FKBP2: variants seen among roughly 807,000 people sequenced by gnomAD.
FKBP2 encodes the protein FKBP prolyl isomerase 2.
In FKBP2, 15 loss-of-function variants were observed where a neutral mutation model predicts 19.4. The ratio of observed to expected loss-of-function variants is 0.77; its 90% CI spans 0.52 to 1.19. The LOEUF is 1.19. Among genes scored for constraint, FKBP2 ranks in the 50% most tolerant of loss-of-function variants. The probability of loss-of-function intolerance (pLI) is 0.00; values close to 1 mark genes in which losing one functional copy is unlikely to be tolerated. For synonymous variants in FKBP2, 76 were observed against 74.8 expected (o/e 1.02, Z -0.08); for missense variants, 170 against 179.0 (o/e 0.95, Z 0.29).
In FKBP2 at chr11:64,244,129, C is replaced by T. The variant is rs983436103; in HGVS notation, c.*100C>T. The stretch of plus-strand genomic sequence containing the variant: ...AACAAACAAAAAAACACTTAAAAGC[C>T]CAAGGAGTAAGCCTGTGTGTGTTTG... On this transcript the variant is annotated 3_prime_UTR_variant, in exon 6 of 6. Coordinates refer to ENST00000309366, the MANE Select transcript of FKBP2 (RefSeq NM_004470.4). 3 of 1,337,212 alleles carry T rather than the reference C, an allele frequency of 2.2e-6. No individual in the cohort carries two copies. Among genetic ancestry groups the T allele is most frequent in the Non-Finnish European group, 2.1e-6 (2 of 965,360 alleles). The allele number at this position is 1,337,212 out of a possible 1,614,324, so 82.8% of individuals were successfully genotyped here. A position where few individuals can be genotyped will look rare whatever the true frequency, so the allele number is the denominator to read the frequency against.
chr11:64,243,508 C>T lies in FKBP2; in HGVS notation c.331+11C>T. The T allele has an allele frequency of 1.2e-6, 2 of 1,613,400 alleles. No individual in the cohort carries two copies. The highest frequency in any genetic ancestry group is 3.3e-5 in the Admixed American group (2 of 60,022). On this transcript the variant is annotated intron_variant, in intron 4 of 5. Coordinates refer to ENST00000309366, the MANE Select transcript of FKBP2 (RefSeq NM_004470.4). The stretch of plus-strand genomic sequence containing the variant: ...TCCCATCCGAGCTAGGTAAGAGGCC[C>T]CTCCTGAGGGTGCAGAGCGAGTTTG...
chr11:64,243,334 T>C, intron 3 of FKBP2, 23 bp downstream of exon 3: 1 of 1,599,222 alleles, frequency 6.3e-7, no homozygotes, highest in Non-Finnish European at 8.5e-7. Context: ...GGAATGGGCT[T>C]GGGAGTGGGG....
At chr11:64,241,477 C>T (rs2030484238) in intron 1 of FKBP2, among the ~76,000 whole-genome samples, 8 of 149,942 alleles carry the variant, frequency 5.3e-5, no homozygotes, top group Admixed American at 5.3e-4. Flanking sequence ...AAGGCGGAGC[C>T]TCGGGGTCGG....
chr11:64,243,666 A>T, intron 4 of FKBP2, 169 bp downstream of exon 4: 1 of 1,149,530 alleles, frequency 8.7e-7, no homozygotes, highest in Non-Finnish European at 1.3e-6. Context: ...TCATTGAAGC[A>T]CTCAGCTGTA....
Position 64,242,437 on chromosome 11 carries a change from G to C in FKBP2, c.50G>C (p.Ser17Thr). The C allele has an allele frequency of 6.4e-7, 1 of 1,552,856 alleles. No homozygotes were observed. Among genetic ancestry groups the C allele is most frequent in the African/African-American group, 1.4e-5 (1 of 70,422 alleles). Reference sequence around the variant, plus strand: ...CTGACAGTACTGTCCATCTGCCTGAGCGCCGTGGCCACGGCCACGGGGGCC... The same window carrying C: ...CTGACAGTACTGTCCATCTGCCTGACCGCCGTGGCCACGGCCACGGGGGCC... ...RVLTVLSICL[S>T]AVATATGAEG... Residue 17 changes from serine to threonine, a missense_variant, in exon 2 of 6, where the codon AGC (serine) becomes ACC (threonine). Coordinates refer to ENST00000309366, the MANE Select transcript of FKBP2 (RefSeq NM_004470.4).
chr11:64,243,847 G>C lies in FKBP2; in HGVS notation c.338G>C (p.Gly113Ala), dbSNP rs781271681. The C allele has an allele frequency of 1.9e-6, 3 of 1,614,172 alleles. No homozygotes were observed. Among genetic ancestry groups the C allele is most frequent in the Admixed American group, 3.3e-5 (2 of 60,024 alleles). Residue 113 changes from glycine to alanine, a missense_variant, in exon 5 of 6, where the codon GGA becomes GCA. By Grantham distance (60) the Gly-to-Ala change is moderately conservative (BLOSUM62 0). Coordinates refer to ENST00000309366, the MANE Select transcript of FKBP2 (RefSeq NM_004470.4). ...KLVIPSELGY[G>A]ERGAPPKIPG... ...CTTTGTGCATCTTCAACAGGGTATG[G>C]AGAGCGGGGAGCTCCCCCAAAGATT...
chr11:64,243,952 C>T lies in FKBP2; in HGVS notation c.368-16C>T. The T allele has an allele frequency of 1.2e-6, 2 of 1,614,108 alleles. No homozygotes were observed. Among genetic ancestry groups the T allele is most frequent in the Non-Finnish European group, 1.7e-6 (2 of 1,180,014 alleles). ...GTGGCCCTGGTTGGCATTTTGACTC[C>T]CCTTCTCCCCTACAGGTGGTGCAAC... On this transcript the variant is annotated splice_polypyrimidine_tract_variant and intron_variant, in intron 5 of 5. Transcript: ENST00000309366.
rs1429985405 is a variant in FKBP2, at chr11:64,243,327, A to G, written c.284+16A>G. 3 of 1,599,458 alleles carry G rather than the reference A, an allele frequency of 1.9e-6. No individual in the cohort carries two copies. The highest frequency in any genetic ancestry group is 2.6e-6 in the Non-Finnish European group (3 of 1,171,310). On this transcript the variant is annotated intron_variant, in intron 3 of 5. Coordinates refer to ENST00000309366, the MANE Select transcript of FKBP2 (RefSeq NM_004470.4). Reference sequence around the variant, plus strand: ...GGCTGCTGGGGTGAGTCATGGGGGAATGGGCTTGGGAGTGGGGGCGTGCAT... The same window carrying G: ...GGCTGCTGGGGTGAGTCATGGGGGAGTGGGCTTGGGAGTGGGGGCGTGCAT...
chr11:64,242,701 C>A, intron 2 of FKBP2, 143 bp downstream of exon 2: 2 of 904,868 alleles, frequency 2.2e-6, no homozygotes, highest in Non-Finnish European at 3.2e-6. Flanking sequence ...ATGGTTCTGC[C>A]TTGCCCTTGC....
chr11:64,243,108 G>A (rs529769586), intron 2 of FKBP2, 91 bp from the exon 3 acceptor site: 67 of 1,159,752 alleles, frequency 5.8e-5, no homozygotes, highest in Non-Finnish European at 8.2e-5. Flanking sequence ...GTGGGTGGGC[G>A]TGGGGGGGCA....
Position 64,242,535 on chromosome 11 carries a change from G to A in FKBP2, c.148G>A (p.Asp50Asn), listed in dbSNP as rs1215996171. The change falls in exon 2 of 6, where the codon GAT becomes AAT. Residue 50 changes from aspartate to asparagine, a missense_variant. Physicochemically the swap from Asp to Asn is conservative, Grantham distance 23. Transcript: ENST00000309366. Reference protein sequence around the residue: ...DHCPIKSRKGDVLHMHYTGKL... With the variant: ...DHCPIKSRKGNVLHMHYTGKL... ...CTGTCCCATCAAATCGCGCAAAGGG[G>A]ATGTCCTGCACATGCACTACACGGT... 1 of 1,553,214 alleles carries A rather than the reference G, an allele frequency of 6.4e-7. No homozygotes were observed.
chr11:64,243,527 G>A (rs367667238), intron 4 of FKBP2, 30 bp downstream of exon 4: 65 of 1,612,254 alleles, frequency 4.0e-5, no homozygotes, highest in Non-Finnish European at 5.1e-5. Flanking sequence ...GGTGCAGAGC[G>A]AGTTTGGGGT....
intron 1 of FKBP2, 81 bp from the exon 2 acceptor site, chr11:64,242,303 C>G (rs1276191160): frequency 1.5e-6 from 2 of 1,325,784 alleles, no homozygotes; most frequent in Non-Finnish European, 2.0e-6. Flanking sequence ...GGCGGTGGAA[C>G]CCTCCTGTTA....
chr11:64,244,084 A>G lies in FKBP2; in HGVS notation c.*55A>G, dbSNP rs2298631. ...CCCCATCAGGGACCAGACTGTTCCAAAAAAAAAACAAAAAACAAAAACAAA... is the reference window on the plus strand; with the variant it reads ...CCCCATCAGGGACCAGACTGTTCCAGAAAAAAAACAAAAAACAAAAACAAA... On this transcript the variant is annotated 3_prime_UTR_variant, in exon 6 of 6. Transcript: ENST00000309366. 0.017 allele frequency: 26,252 copies of G among 1,563,564 alleles called. 2,236 individuals carry two copies. In the East Asian group the frequency reaches 0.26, roughly 15 times the overall value.
chr11:64,243,251 C>T lies in FKBP2; in HGVS notation c.224C>T (p.Pro75Leu), dbSNP rs1339959793. The T allele has an allele frequency of 6.2e-7, 1 of 1,613,114 alleles. No homozygotes were observed. The highest frequency in any genetic ancestry group is 1.3e-5 in the African/African-American group (1 of 74,912). ...EFDSSLPQNQPFVFSLGTGQV... is the reference protein window; with the variant it reads ...EFDSSLPQNQLFVFSLGTGQV... ...GACAGCAGCCTGCCCCAGAACCAGCCCTTTGTCTTCTCCCTTGGCACAGGC... is the reference window on the plus strand; with the variant it reads ...GACAGCAGCCTGCCCCAGAACCAGCTCTTTGTCTTCTCCCTTGGCACAGGC... The change falls in exon 3 of 6, where the codon CCC becomes CTC. Residue 75 changes from proline (P) to leucine (L), a missense_variant. Coordinates refer to ENST00000309366, the MANE Select transcript of FKBP2 (RefSeq NM_004470.4).
At chr11:64,243,772 A>G in intron 4 of FKBP2, 69 bp from the exon 5 acceptor site, 1 of 1,590,366 alleles carries the variant, frequency 6.3e-7, no homozygotes, top group Non-Finnish European at 8.6e-7. Flanking sequence ...GGGGCGGAAC[A>G]CTCTCCCTTT....
chr11:64,242,486 C>A lies in FKBP2; in HGVS notation c.99C>A (p.Ile33=). 2.6e-6 allele frequency: 4 copies of A among 1,552,736 alleles called. No homozygotes were observed. The highest frequency in any genetic ancestry group is 3.5e-6 in the Non-Finnish European group (4 of 1,156,110). The change falls in exon 2 of 6, where the codon ATC becomes ATA. Residue 33 remains isoleucine (I), a synonymous_variant. Transcript: ENST00000309366. The stretch of plus-strand genomic sequence containing the variant: ...CCGAGGGCAAAAGGAAGCTGCAGAT[C>A]GGGGTCAAGAAGCGGGTGGACCACT... The part of the protein sequence containing the change: ...TGAEGKRKLQ[I]GVKKRVDHCP...
intron 2 of FKBP2, 140 bp from the exon 3 acceptor site, chr11:64,243,059 C>G (rs2030638939): frequency 2.8e-6 from 2 of 707,526 alleles, no homozygotes; most frequent in Admixed American, 4.6e-5. Context: ...GCAACAGAGA[C>G]TCCATCTCAA....
At position 64,241,552 on chromosome 11, in the gene FKBP2, G is replaced by A. The variant is rs866712499; in HGVS notation, c.-5+420G>A. 4.6e-4 allele frequency: 70 copies of A among 152,940 alleles called. No homozygotes were observed. In the Middle Eastern group the frequency reaches 0.01, roughly 22 times the overall value. 9.5% of individuals were successfully genotyped at this position (152,940 alleles called of 1,614,324 possible). A position where few individuals can be genotyped will look rare whatever the true frequency, so the allele number is the denominator to read the frequency against. ...TTCAGCCGGTGAGTGGCGTGGCTAC[G>A]GCTCCGGAAAAGGGGTCTAGTTCTG... On this transcript the variant is annotated intron_variant, in intron 1 of 5. Transcript: ENST00000309366.
Sources: gnomAD v4.1 joint callset for allele counts (sites outside exome capture counted in the v4.1 genomes callset) on GRCh38, gnomAD v4.1.1 for gene constraint, MANE v1.5 for transcripts, NCBI Gene and HGNC (gene_info 2026-07-23, HGNC 2026-07-21) for gene names.